RAB3GAP1: variants seen among roughly 807,000 people sequenced by gnomAD.
RAB3GAP1 encodes RAB3 GTPase activating protein catalytic subunit 1, also known as rab3 GTPase-activating protein catalytic subunit.
A neutral mutation model predicts 130.7 loss-of-function variants in RAB3GAP1; 86 were observed. That is an observed-to-expected ratio of 0.66 (90% CI 0.55 to 0.79). RAB3GAP1 has a LOEUF of 0.79. RAB3GAP1 is among the 30% of genes least tolerant of loss of function. The pLI is 0.00. For synonymous variants in RAB3GAP1, 367 were observed against 401.7 expected (o/e 0.91, Z 1.03); for missense variants, 1,029 against 1,169.4 (o/e 0.88, Z 1.75).
chr2:135,144,884 A>G (rs1691951216), intron 17 of RAB3GAP1, among the ~76,000 whole-genome samples: 1 of 152,020 alleles, frequency 6.6e-6, no homozygotes, highest in Admixed American at 6.6e-5. Context: ...TTCCTCTTAC[A>G]GAGTCTTAAT....
chr2:135,081,327 A>AAAAATATATATAT (rs1363481112), intron 3 of RAB3GAP1, among the ~76,000 whole-genome samples: 1 of 64,050 alleles, frequency 1.6e-5, no homozygotes, highest in Admixed American at 2.8e-4. Context: ...AAAAAAAAAA[A>AAAAATATATATAT]ATATATATAT....
rs760970469 is a variant in RAB3GAP1, at chr2:135,093,599, T to C, written c.284-16T>C. 2 of 1,599,590 alleles carry C rather than the reference T, an allele frequency of 1.3e-6. No individual in the cohort carries two copies. The highest frequency in any genetic ancestry group is 2.7e-5 in the African/African-American group (2 of 74,664). On this transcript the variant is annotated splice_polypyrimidine_tract_variant and intron_variant, in intron 4 of 23. Coordinates refer to ENST00000264158, the MANE Select transcript of RAB3GAP1 (RefSeq NM_012233.3). Reference sequence around the variant, plus strand: ...CATGAACATACTAACTTTTTCATTATCAAATGTTTTTGTAGATGTTGTTCC... The same window carrying C: ...CATGAACATACTAACTTTTTCATTACCAAATGTTTTTGTAGATGTTGTTCC...
chr2:135,173,857 T>C (rs1692932485), downstream of RAB3GAP1, among the ~76,000 whole-genome samples: 3 of 152,198 alleles, frequency 2.0e-5, no homozygotes, highest in Admixed American at 6.5e-5. Flanking sequence ...GGTGGATGGA[T>C]GGATGGTTGG....
At chr2:135,166,143 G>A (rs1253643919) in intron 23 of RAB3GAP1, among the ~76,000 whole-genome samples, 2 of 150,824 alleles carry the variant, frequency 1.3e-5, no homozygotes, top group East Asian at 3.9e-4. Flanking sequence ...CTGCACTCCG[G>A]CCTGGGTGAT....
intron 19 of RAB3GAP1, among the ~76,000 whole-genome samples, chr2:135,154,896 A>G (rs1692268442): frequency 6.6e-6 from 1 of 152,222 alleles, no homozygotes; most frequent in Admixed American, 6.5e-5. Flanking sequence ...CCCTCTATCC[A>G]TTAAAGAAAC....
intron 19 of RAB3GAP1, among the ~76,000 whole-genome samples, chr2:135,160,308 G>C (rs1692429646): frequency 6.6e-6 from 1 of 152,124 alleles, no homozygotes; most frequent in African/African-American, 2.4e-5. Flanking sequence ...AGATTAAAGA[G>C]CTATGATAAC....
At chr2:135,155,920 T>C (rs959089728) in intron 19 of RAB3GAP1, among the ~76,000 whole-genome samples, 2 of 151,752 alleles carry the variant, frequency 1.3e-5, no homozygotes, top group Non-Finnish European at 2.9e-5. Flanking sequence ...ATCAACAAAA[T>C]AGAGAAGCCA....
chr2:135,144,510 A>T (rs1300867678), intron 17 of RAB3GAP1, among the ~76,000 whole-genome samples: 4 of 152,204 alleles, frequency 2.6e-5, no homozygotes, highest in African/African-American at 4.8e-5. Context: ...AAGGGTGAGG[A>T]TTACTCAGAG....
chr2:135,162,932 G>C, intron 21 of RAB3GAP1, 54 bp from the exon 22 acceptor site: 2 of 1,576,420 alleles, frequency 1.3e-6, no homozygotes, highest in Non-Finnish European at 1.7e-6. Context: ...GTTTTCAAAG[G>C]GCTTTGCTTT....
chr2:135,176,177 T>C (rs1243525012), intron 24 of RAB3GAP1: 1 of 152,194 alleles, frequency 6.6e-6, no homozygotes, highest in African/African-American at 2.4e-5. Flanking sequence ...TATTGCTCTA[T>C]AAGATAGACT....
chr2:135,102,270 A>T (rs915771985), intron 5 of RAB3GAP1, among the ~76,000 whole-genome samples: 3 of 152,190 alleles, frequency 2.0e-5, no homozygotes, highest in Non-Finnish European at 4.4e-5. Context: ...GAAGAGGGCC[A>T]TGAGCCAAGT....
At position 135,052,453 on chromosome 2, in the gene RAB3GAP1, C is replaced by G; in HGVS notation, c.42C>G (p.Ile14Met). The G allele has an allele frequency of 6.2e-7, 1 of 1,614,068 alleles. No individual in the cohort carries two copies. Among genetic ancestry groups the G allele is most frequent in the Non-Finnish European group, 8.5e-7 (1 of 1,180,044 alleles). Reference protein sequence around the residue: ...DSEPESEVFEITDFTTASEWE... With the variant: ...DSEPESEVFEMTDFTTASEWE... ...AGCCCGAATCCGAGGTATTTGAGAT[C>G]ACGGACTTCACCACTGCCTCGGAAT... Residue 14 changes from isoleucine to methionine, a missense_variant, in exon 2 of 24, where the codon ATC becomes ATG. This residue lies in a region of RAB3GAP1 where 510 missense variants were observed against 532.1 expected (regional missense o/e 0.96). Transcript: ENST00000264158.
At chr2:135,164,720 C>T in intron 23 of RAB3GAP1, 24 bp downstream of exon 23, 1 of 1,543,572 alleles carries the variant, frequency 6.5e-7, no homozygotes, top group African/African-American at 1.4e-5. Flanking sequence ...ATTATTGACT[C>T]CATCATAATC....
At chr2:135,069,644 C>T (rs2104839539) in intron 3 of RAB3GAP1, among the ~76,000 whole-genome samples, 1 of 152,172 alleles carries the variant, frequency 6.6e-6, no homozygotes, top group Non-Finnish European at 1.5e-5. Context: ...ACTTTTGGGG[C>T]CATGTCATAA....
intron 16 of RAB3GAP1, 102 bp downstream of exon 16, chr2:135,135,421 C>A: frequency 7.0e-7 from 1 of 1,430,698 alleles, no homozygotes; most frequent in Non-Finnish European, 9.8e-7. Flanking sequence ...CATGGTGCTG[C>A]TGTAGGTTGC....
At chr2:135,116,062 A>G (rs1363771940) in intron 7 of RAB3GAP1, among the ~76,000 whole-genome samples, 1 of 152,110 alleles carries the variant, frequency 6.6e-6, no homozygotes, top group Non-Finnish European at 1.5e-5. Context: ...TTAGAGAAAT[A>G]TTACTCTTAG....
At position 135,113,264 on chromosome 2, in the gene RAB3GAP1, C is replaced by G. The variant is rs780643563; in HGVS notation, c.476C>G (p.Thr159Ser). 5 of 1,614,080 alleles carry G rather than the reference C, an allele frequency of 3.1e-6. No homozygotes were observed. Among genetic ancestry groups the G allele is most frequent in the Non-Finnish European group, 4.2e-6 (5 of 1,179,962 alleles). Residue 159 changes from threonine to serine, a missense_variant, in exon 6 of 24, where the codon ACT becomes AGT. This residue lies in a region of RAB3GAP1 where 510 missense variants were observed against 532.1 expected (regional missense o/e 0.96). Coordinates refer to ENST00000264158, the MANE Select transcript of RAB3GAP1 (RefSeq NM_012233.3). Reference sequence around the variant, plus strand: ...TCTGTTTCTATTGCCTTGGGAAACACTGGCTGGTGAGTGGACATTTTTTAA... The same window carrying G: ...TCTGTTTCTATTGCCTTGGGAAACAGTGGCTGGTGAGTGGACATTTTTTAA... Reference protein sequence around the residue: ...LSSVSIALGNTGCQVPLFVQI... With the variant: ...LSSVSIALGNSGCQVPLFVQI...
intron 1 of RAB3GAP1, 44 bp from the exon 2 acceptor site, chr2:135,052,386 G>C (rs1688904948): frequency 6.2e-7 from 1 of 1,614,056 alleles, no homozygotes; most frequent in Non-Finnish European, 8.5e-7. Flanking sequence ...TCATGTCTTC[G>C]CCTTGGGGCT....
intron 5 of RAB3GAP1, among the ~76,000 whole-genome samples, chr2:135,105,250 C>T (rs1387679842): frequency 7.3e-6 from 1 of 136,660 alleles, no homozygotes; most frequent in East Asian, 2.5e-4. Context: ...CTTCCCCCTC[C>T]CCCTCTCTCC....
Sources: gnomAD v4.1 joint callset for allele counts (sites outside exome capture counted in the v4.1 genomes callset) on GRCh38, gnomAD v4.1.1 for gene constraint, gnomAD v4.1.1 regional missense constraint, MANE v1.5 for transcripts, NCBI Gene and HGNC (gene_info 2026-07-23, HGNC 2026-07-21) for gene names.